The following NAV3 variants were observed in gnomAD, a reference collection of about 807,000 sequenced individuals.
NAV3 encodes the protein pore membrane and/or filament interacting like protein 1.
Under a neutral mutation model 244.7 loss-of-function variants are expected in NAV3, and 87 were observed. That is an observed-to-expected ratio of 0.36 (90% confidence interval 0.30 to 0.42). The LOEUF (loss-of-function observed/expected upper bound fraction) is 0.42, where lower values mean the gene tolerates loss of function less well. Ranked by LOEUF, NAV3 falls within the 20% of genes least tolerant of loss-of-function variation. NAV3 has a pLI of 1.00. For synonymous variants in NAV3, 1,126 were observed against 1,042.2 expected (o/e 1.08, Z -1.55); for missense variants, 2,663 against 2,893.3 (o/e 0.92, Z 1.83).
chr12:77,979,707 A>AG (rs1565982809), intron 5 of NAV3, among the ~76,000 whole-genome samples: 8 of 130,230 alleles, frequency 6.1e-5, no homozygotes, highest in African/African-American at 1.9e-4. Flanking sequence ...ACGAAAAAAA[A>AG]AAAAGAAAAA....
At chr12:78,032,455 C>CTTT (rs1879160040) in intron 9 of NAV3, among the ~76,000 whole-genome samples, 1 of 152,132 alleles carries the variant, frequency 6.6e-6, no homozygotes, top group Non-Finnish European at 1.5e-5. Context: ...GGATAAATGA[C>CTTT]TTTTTCAATT....
chr12:77,793,049 C>A (rs1020339329), intron 2 of NAV3, among the ~76,000 whole-genome samples: 4 of 152,058 alleles, frequency 2.6e-5, no homozygotes, highest in African/African-American at 7.2e-5. Flanking sequence ...TTTCTTCTTG[C>A]AAATACCAAA....
At chr12:78,016,647 G>A (rs1161452507) in intron 8 of NAV3, among the ~76,000 whole-genome samples, 3 of 152,060 alleles carry the variant, frequency 2.0e-5, no homozygotes, top group Non-Finnish European at 4.4e-5. Context: ...TTTTGTTGGG[G>A]TTATAAACAG....
At chr12:77,619,321 C>T (rs910156978) in intron 2 of NAV3, among the ~76,000 whole-genome samples, 1 of 152,164 alleles carries the variant, frequency 6.6e-6, no homozygotes, top group Admixed American at 6.5e-5. Context: ...TATTTTTTAG[C>T]TTCCTTTAGC....
chr12:77,847,719 T>A (rs1876874418), intron 1 of NAV3, among the ~76,000 whole-genome samples: 1 of 152,224 alleles, frequency 6.6e-6, no homozygotes, highest in Non-Finnish European at 1.5e-5. Flanking sequence ...TAAATTTTAA[T>A]TAAATTTCAT....
intron 2 of NAV3, among the ~76,000 whole-genome samples, chr12:77,719,169 T>C (rs1876499265): frequency 6.6e-6 from 1 of 152,190 alleles, no homozygotes; most frequent in Non-Finnish European, 1.5e-5. Flanking sequence ...GCTGACTCTG[T>C]AGTTTGCAAC....
chr12:77,728,898 T>C (rs770458), intron 2 of NAV3, among the ~76,000 whole-genome samples: 17,004 of 151,668 alleles, frequency 0.11, 3,205 homozygotes, highest in African/African-American at 0.39. Flanking sequence ...GCAAGACCAA[T>C]CCCTACTCAT....
chr12:78,200,343 C>A, intron 37 of NAV3, 130 bp from the exon 38 acceptor site: 1 of 487,524 alleles, frequency 2.1e-6, no homozygotes, highest in Non-Finnish European at 3.5e-6. Context: ...TAATAATAAT[C>A]AAGCTGGCCA....
Position 77,755,611 on chromosome 12 carries a change from CTCCTTCCTTCCTTCCT to C in NAV3, c.72+183377_72+183392del, listed in dbSNP as rs1186550811. ...CCTCCCTCCCTCCCTCCCTCCCTCCCTCCTTCCTTCCTTCCTTCCTTCCTTCCTTCCTTCCTTCCTT... is the reference window on the plus strand; with the variant it reads ...CCTCCCTCCCTCCCTCCCTCCCTCCCTCCTTCCTTCCTTCCTTCCTTCCTT... On this transcript the variant is annotated intron_variant, in intron 2 of 8. Coordinates refer to the NAV3 transcript ENST00000550042. 5.0e-4 allele frequency among the ~76,000 whole-genome samples: 19 copies of C among 38,254 alleles called. 2 individuals carry two copies. Among genetic ancestry groups the C allele is most frequent in the South Asian group, 9.7e-4 (1 of 1,032 alleles). The allele number at this position is 38,254 out of a possible 152,430, so 25.1% of individuals were successfully genotyped here.
At position 78,197,253 on chromosome 12, in the gene NAV3, C is replaced by A; in HGVS notation, c.6298C>A (p.Gln2100Lys). 6.5e-7 allele frequency: 1 copy of A among 1,538,686 alleles called. No homozygotes were observed. The highest frequency in any genetic ancestry group is 1.3e-5 in the South Asian group (1 of 76,396). Residue 2100 changes from glutamine (Q) to lysine (K), a missense_variant, in exon 35 of 40, where the codon CAA (glutamine) becomes AAA (lysine). Physicochemically the swap from Gln to Lys is moderately conservative, Grantham distance 53. Coordinates refer to ENST00000397909, the MANE Select transcript of NAV3 (RefSeq NM_001024383.2). ...NVDHKSSKEL[Q>K]QYLANLAEQC... is the part of the protein sequence containing the mutation. ...TTTCTTCATTTTTTAAAAGGAATTG[C>A]AACAATATCTAGCTAACCTGGCTGA... is the stretch of plus-strand genomic sequence containing the variant.
chr12:78,102,436 A>C (rs1325595732), intron 12 of NAV3, among the ~76,000 whole-genome samples: 5 of 152,178 alleles, frequency 3.3e-5, no homozygotes. Context: ...CACCCCTCCC[A>C]GCTGCTTTCA....
intron 2 of NAV3, among the ~76,000 whole-genome samples, chr12:77,763,602 A>C (rs1216985313): frequency 6.6e-6 from 1 of 152,214 alleles, no homozygotes; most frequent in East Asian, 1.9e-4. Flanking sequence ...ACCTGAATGA[A>C]CATCAGTCAA....
At chr12:78,115,620 T>C (rs1955336902) in intron 12 of NAV3, among the ~76,000 whole-genome samples, 1 of 152,204 alleles carries the variant, frequency 6.6e-6, no homozygotes, top group African/African-American at 2.4e-5. Context: ...AGTCATTTGG[T>C]CATTGAAGGA....
chr12:78,208,210 G>A (rs755920924), intron 39 of NAV3, among the ~76,000 whole-genome samples: 37 of 152,080 alleles, frequency 2.4e-4, no homozygotes, highest in Non-Finnish European at 4.4e-4. Context: ...GGTGAGAAAA[G>A]AAGCAAGACT....
chr12:77,820,570 C>G (rs1383082774), intron 2 of NAV3, among the ~76,000 whole-genome samples: 1 of 152,154 alleles, frequency 6.6e-6, no homozygotes, highest in African/African-American at 2.4e-5. Context: ...TTGAAGGTGA[C>G]AAAAACATTC....
At chr12:77,650,309 T>G (rs1166546123) in intron 2 of NAV3, among the ~76,000 whole-genome samples, 6 of 152,080 alleles carry the variant, frequency 3.9e-5, no homozygotes, top group African/African-American at 1.4e-4. Flanking sequence ...AAGTTAACCC[T>G]CTACTGTGGA....
intron 23 of NAV3, among the ~76,000 whole-genome samples, chr12:78,164,545 A>T (rs1457509417): frequency 6.6e-6 from 1 of 152,116 alleles, no homozygotes; most frequent in African/African-American, 2.4e-5. Context: ...TTTTTAAAAA[A>T]TATATTGCTG....
intron 2 of NAV3, among the ~76,000 whole-genome samples, chr12:77,813,036 T>G (rs1429845141): frequency 6.6e-6 from 1 of 152,094 alleles, no homozygotes; most frequent in African/African-American, 2.4e-5. Flanking sequence ...TTGGCCAGGC[T>G]GGTTTTGAAC....
chr12:78,006,331 C>A, intron 7 of NAV3, 88 bp from the exon 8 acceptor site: 1 of 1,189,324 alleles, frequency 8.4e-7, no homozygotes, highest in Non-Finnish European at 1.2e-6. Flanking sequence ...GACTTCTATC[C>A]ATCAATAGTT....
Sources: allele counts gnomAD v4.1 joint callset (sites outside exome capture counted in the v4.1 genomes callset), GRCh38; gene constraint gnomAD v4.1.1; transcripts MANE v1.5; gene names NCBI Gene and HGNC (gene_info 2026-07-23, HGNC 2026-07-21).